The following SPTB variants were observed in gnomAD, a reference collection of about 807,000 sequenced individuals.
SPTB encodes the protein spectrin beta, erythrocytic.
SPTB carries 45 observed loss-of-function variants against 256.2 expected under a neutral mutation model. The observed-to-expected ratio is 0.18, with a 90% CI of 0.14 to 0.23. The LOEUF is 0.23. SPTB is among the 10% of genes least tolerant of loss of function. The pLI, the probability that SPTB is intolerant of heterozygous loss-of-function variation, is 1.00. For missense variants in SPTB, 2,715 were observed against 3,040.4 expected (o/e 0.89, Z 2.52); for synonymous variants, 1,231 against 1,243.1 (o/e 0.99, Z 0.21).
intron 33 of SPTB, among the ~76,000 whole-genome samples, chr14:64,752,682 AT>A (rs2081969336): frequency 1.3e-5 from 2 of 152,236 alleles, no homozygotes; most frequent in Non-Finnish European, 1.5e-5. Context: ...TAGACTCTCC[AT>A]TTAAGCAATA....
chr14:64,801,905 G>A, intron 5 of SPTB, 71 bp from the exon 6 acceptor site: 1 of 1,417,192 alleles, frequency 7.1e-7, no homozygotes, highest in Non-Finnish European at 1.0e-6. Context: ...TACAAATTGA[G>A]GGCCAATATA....
rs575995440 is a variant in SPTB, at chr14:64,790,700, C to T, written c.2804+1019G>A. Among the ~76,000 whole-genome samples, 32 of 152,312 alleles carry T rather than the reference C, an allele frequency of 2.1e-4. No homozygotes were observed. Among genetic ancestry groups the T allele is most frequent in the Admixed American group, 1.9e-3 (29 of 15,302 alleles). Reference sequence around the variant, plus strand: ...TCCCAGATTGCCTCAGGCAGAGCAACGCTCAGGCACAGGTGTGGGGAAGGG... The same window carrying T: ...TCCCAGATTGCCTCAGGCAGAGCAATGCTCAGGCACAGGTGTGGGGAAGGG... On this transcript the variant is annotated intron_variant, in intron 15 of 35. Coordinates refer to ENST00000644917, the MANE Select transcript of SPTB (RefSeq NM_001355436.2). This position sits in a 1 kb window ranked among gnomAD's most constrained non-coding sequence, Gnocchi z 4.8.
intron 1 of SPTB, among the ~76,000 whole-genome samples, chr14:64,876,633 T>A (rs1017497750): frequency 1.1e-4 from 16 of 152,200 alleles, no homozygotes; most frequent in African/African-American, 3.9e-4. Context: ...TGTGTATAAC[T>A]ATTGTTTTAA....
At chr14:64,770,223 T>C (rs527273853) in intron 27 of SPTB, among the ~76,000 whole-genome samples, 2 of 152,216 alleles carry the variant, frequency 1.3e-5, no homozygotes, top group Non-Finnish European at 2.9e-5. Context: ...GAAAATCTTC[T>C]AACCTTAGAT....
chr14:64,844,379 C>A lies in SPTB; in HGVS notation c.-51-21234G>T, dbSNP rs147826836. 2.0e-5 allele frequency among the ~76,000 whole-genome samples: 3 copies of A among 152,316 alleles called. No individual in the cohort carries two copies. Among genetic ancestry groups the A allele is most frequent in the South Asian group, 2.1e-4 (1 of 4,824 alleles). On this transcript the variant is annotated intron_variant, in intron 1 of 35. Coordinates refer to ENST00000644917, the MANE Select transcript of SPTB (RefSeq NM_001355436.2). The surrounding 1 kb of genome is among the most constrained non-coding windows in gnomAD (Gnocchi z 4.1). Reference sequence around the variant, plus strand: ...TGTAGAATACCATCACCCCCAACAACGAAACAACCATGTTTAGTGAGTACT... The same window carrying A: ...TGTAGAATACCATCACCCCCAACAAAGAAACAACCATGTTTAGTGAGTACT...
At chr14:64,767,186 G>GT (rs1296633921) in intron 31 of SPTB, 117 bp downstream of exon 31, 1 of 1,317,488 alleles carries the variant, frequency 7.6e-7, no homozygotes, top group African/African-American at 1.5e-5. Flanking sequence ...CCTGACGAGG[G>GT]TGCCCAGTGT....
At chr14:64,862,653 A>G (rs1650723134) in intron 1 of SPTB, among the ~76,000 whole-genome samples, 1 of 151,852 alleles carries the variant, frequency 6.6e-6, no homozygotes, top group South Asian at 2.1e-4. Flanking sequence ...GTGGGCAGAT[A>G]ACCTGAGGTC....
chr14:64,793,457 T>C lies in SPTB; in HGVS notation c.2206A>G (p.Lys736Glu). ...TTCTCAGCATCCTGGAGGTTCTTCTTGCAGAAGGCAGCCAGGTCCTTCAGC... is the reference window on the plus strand; with the variant it reads ...TTCTCAGCATCCTGGAGGTTCTTCTCGCAGAAGGCAGCCAGGTCCTTCAGC... ...DQLKDLAAFC[K>E]KNLQDAENFF... Residue 736 changes from lysine to glutamate, a missense_variant, in exon 14 of 36, where the codon AAG (lysine) becomes GAG (glutamate). Transcript: ENST00000644917. This position sits in a 1 kb window ranked among gnomAD's most constrained non-coding sequence, Gnocchi z 7.0. 6.2e-7 allele frequency: 1 copy of C among 1,614,116 alleles called. No homozygotes were observed. The highest frequency in any genetic ancestry group is 1.1e-5 in the South Asian group (1 of 91,084).
intron 1 of SPTB, among the ~76,000 whole-genome samples, chr14:64,877,179 A>C (rs1882865751): frequency 6.6e-6 from 1 of 151,806 alleles, no homozygotes; most frequent in South Asian, 2.1e-4. Flanking sequence ...CCATGCTTTG[A>C]CTCCTGCCAA....
At position 64,767,869 on chromosome 14, in the gene SPTB, G is replaced by C; in HGVS notation, c.6023-10C>G. On this transcript the variant is annotated splice_polypyrimidine_tract_variant and intron_variant, in intron 29 of 35. Transcript: ENST00000644917. ...TGGCACACCTCCAGCACTGCCAGGG[G>C]GAACAGGACACAGACCCCCCACAAG... 6.2e-7 allele frequency: 1 copy of C among 1,613,384 alleles called. No homozygotes were observed. Among genetic ancestry groups the C allele is most frequent in the Non-Finnish European group, 8.5e-7 (1 of 1,179,798 alleles).
At position 64,749,116 on chromosome 14, in the gene SPTB, G is replaced by T; in HGVS notation, c.*190C>A. The stretch of plus-strand genomic sequence containing the variant: ...TGGAGCGGAGCCAGCGCGGGCGAGG[G>T]CATGGAGGGGGCGTCGGCCCAGGAC... On this transcript the variant is annotated 3_prime_UTR_variant, in exon 36 of 36. Transcript: ENST00000644917. The surrounding 1 kb of genome is among the most constrained non-coding windows in gnomAD (Gnocchi z 4.7). 1 of 596,022 alleles carries T rather than the reference G, an allele frequency of 1.7e-6. No homozygotes were observed. 36.9% of individuals were successfully genotyped at this position (596,022 alleles called of 1,614,324 possible).
At chr14:64,780,034 G>C in intron 20 of SPTB, 103 bp from the exon 21 acceptor site, 1 of 1,007,926 alleles carries the variant, frequency 9.9e-7, no homozygotes, top group South Asian at 1.3e-5. Flanking sequence ...GGCCCAATTT[G>C]AGCTCAACTT....
chr14:64,807,311 G>T lies in SPTB; in HGVS notation c.149-2221C>A, dbSNP rs1250633454. ...CGTGGGTGCTGAGAACTATTTATCT[G>T]TGCTTGGCAAAGGGTAAGGGAGTGA... is the stretch of plus-strand genomic sequence containing the variant. On this transcript the variant is annotated intron_variant, in intron 2 of 35. Transcript: ENST00000644917. The surrounding 1 kb of genome is among the most constrained non-coding windows in gnomAD (Gnocchi z 4.7). Among the ~76,000 whole-genome samples, 1 of 152,200 alleles carries T rather than the reference G, an allele frequency of 6.6e-6. No homozygotes were observed. Among genetic ancestry groups the T allele is most frequent in the East Asian group, 1.9e-4 (1 of 5,198 alleles).
At chr14:64,869,491 C>T (rs1286874017) in intron 1 of SPTB, among the ~76,000 whole-genome samples, 1 of 152,044 alleles carries the variant, frequency 6.6e-6, no homozygotes, top group Non-Finnish European at 1.5e-5. Flanking sequence ...GTAGTCCAGG[C>T]TGGAGTTCAG....
At position 64,786,073 on chromosome 14, in the gene SPTB, A is replaced by G. The variant is rs2139563644; in HGVS notation, c.3562-122T>C. ...ACGGTATGAATGAGCCCCCTAGAGT[A>G]GTACAGGGAGGAGGCACTACTCCCC... On this transcript the variant is annotated intron_variant, in intron 16 of 35. Transcript: ENST00000644917. The surrounding 1 kb of genome is among the most constrained non-coding windows in gnomAD (Gnocchi z 5.6). 5.9e-6 allele frequency: 6 copies of G among 1,019,684 alleles called. No homozygotes were observed. The East Asian group carries it at 1.5e-4, about 25-fold the overall frequency. The allele number at this position is 1,019,684 out of a possible 1,614,324, so 63.2% of individuals were successfully genotyped here. A position where few individuals can be genotyped will look rare whatever the true frequency, so the allele number is the denominator to read the frequency against.
intron 31 of SPTB, 66 bp downstream of exon 31, chr14:64,767,237 T>A: frequency 6.2e-7 from 1 of 1,601,476 alleles, no homozygotes; most frequent in Non-Finnish European, 8.5e-7. Context: ...AGGTTTCTGA[T>A]GAAAGGCACC....
At chr14:64,848,838 T>C (rs2083734257) in intron 1 of SPTB, among the ~76,000 whole-genome samples, 1 of 152,232 alleles carries the variant, frequency 6.6e-6, no homozygotes, top group Non-Finnish European at 1.5e-5. Flanking sequence ...AGCCACATAA[T>C]ACTCTTGACT....
chr14:64,808,435 T>A (rs2083025846), intron 2 of SPTB, among the ~76,000 whole-genome samples: 1 of 152,182 alleles, frequency 6.6e-6, no homozygotes, highest in South Asian at 2.1e-4. Context: ...AGAATTATTG[T>A]CTGAATATTG....
In SPTB at chr14:64,801,338, G is replaced by A; in HGVS notation, c.710C>T (p.Ala237Val). Residue 237 changes from alanine to valine, a missense_variant, in exon 7 of 36, where the codon GCA becomes GTA. By Grantham distance (64) the Ala-to-Val change is moderately conservative. Around this residue, in one of 4 missense-constraint regions of SPTB, gnomAD observed 416 missense variants for 571.1 expected, o/e 0.73. Transcript: ENST00000644917. ...DSNARHNLEH[A>V]FNVAERQLGI... ...CAGCTGGCGCTCAGCCACATTGAAT[G>A]CGTGCTCCAGGTTGTGCCGGGCATT... 6.2e-7 allele frequency: 1 copy of A among 1,614,204 alleles called. No individual in the cohort carries two copies. Among genetic ancestry groups the A allele is most frequent in the Non-Finnish European group, 8.5e-7 (1 of 1,180,018 alleles).
Sources: gnomAD v4.1 joint callset for allele counts (sites outside exome capture counted in the v4.1 genomes callset) on GRCh38, gnomAD v4.1.1 for gene constraint, gnomAD v4.1.1 regional missense constraint, Gnocchi (gnomAD v3.1) non-coding constraint, MANE v1.5 for transcripts, NCBI Gene and HGNC (gene_info 2026-07-23, HGNC 2026-07-21) for gene names.